Variants in MTCL1 observed in about 807,000 individuals in gnomAD.
MTCL1 encodes the protein microtubule crosslinking factor 1, also known as microtubule cross-linking factor 1.
A neutral mutation model predicts 141.4 loss-of-function variants in MTCL1; 79 were observed. The ratio of observed to expected loss-of-function variants is 0.56; its 90% CI spans 0.47 to 0.67. MTCL1 has a LOEUF of 0.67. Among genes scored for constraint, MTCL1 ranks in the 30% least tolerant of loss-of-function variants. The pLI is 0.00. For missense variants in MTCL1, 2,177 were observed against 2,113.9 expected, an observed-to-expected ratio of 1.03 and a Z score of -0.59; for synonymous variants, 914 against 875.8, an observed-to-expected ratio of 1.04 and a Z score of -0.77.
At position 8,827,287 on chromosome 18, in the gene MTCL1, C is replaced by A. The variant is rs574144801; in HGVS notation, c.4722+1055C>A. Among the ~76,000 whole-genome samples, 4 of 152,358 alleles carry A rather than the reference C, an allele frequency of 2.6e-5. No individual in the cohort carries two copies. In the South Asian group the frequency reaches 6.2e-4, roughly 24 times the overall value. On this transcript the variant is annotated intron_variant, in intron 15 of 16. Transcript: ENST00000359865. Reference sequence around the variant, plus strand: ...GAGGAGGAAGGTGTATTGCCTGTTTCACCTGGCCCACGTTTCCCACAAGAG... The same window carrying A: ...GAGGAGGAAGGTGTATTGCCTGTTTAACCTGGCCCACGTTTCCCACAAGAG...
intron 4 of MTCL1, among the ~76,000 whole-genome samples, chr18:8,731,599 A>G (rs960769922): frequency 1.3e-5 from 2 of 152,254 alleles, no homozygotes; most frequent in Non-Finnish European, 2.9e-5. Context: ...TAATTAAAAT[A>G]TAGACAGCAC....
intron 15 of MTCL1, among the ~76,000 whole-genome samples, chr18:8,826,916 A>T (rs1057220085): frequency 5.3e-5 from 8 of 152,260 alleles, no homozygotes; most frequent in Admixed American, 2.6e-4. Flanking sequence ...GCACATCCAC[A>T]TGTGGTGTTT....
chr18:8,763,515 T>C (rs2096443750), intron 4 of MTCL1, among the ~76,000 whole-genome samples: 1 of 152,252 alleles, frequency 6.6e-6, no homozygotes, highest in South Asian at 2.1e-4. Context: ...CACACTCTTA[T>C]CAGCGTCTCA....
intron 1 of MTCL1, among the ~76,000 whole-genome samples, 173 bp downstream of exon 1, chr18:8,706,886 G>A (rs1422748102): frequency 1.3e-5 from 2 of 152,242 alleles, no homozygotes; most frequent in African/African-American, 4.8e-5. Flanking sequence ...ACTTCTGGAA[G>A]GAGAAGCAAG....
chr18:8,825,830 T>C, exon 15 of MTCL1: 2 of 1,614,174 alleles, frequency 1.2e-6, no homozygotes, highest in Non-Finnish European at 1.7e-6. Flanking sequence ...CCACCATTAA[T>C]GATGGCCTCT....
At chr18:8,803,247 T>C (rs1471194365) in intron 10 of MTCL1, among the ~76,000 whole-genome samples, 1 of 152,064 alleles carries the variant, frequency 6.6e-6, no homozygotes, top group East Asian at 1.9e-4. Context: ...TTTGTTGGCT[T>C]TGGAACGCGA....
exon 6 of MTCL1, chr18:8,784,366 G>A (rs200864672): frequency 2.6e-6 from 4 of 1,534,526 alleles, no homozygotes; most frequent in South Asian, 2.6e-5. Flanking sequence ...AGAGTGACTC[G>A]GAGGAAATGT....
Position 8,778,856 on chromosome 18 carries a change from G to A in MTCL1, c.417+964G>A, listed in dbSNP as rs184257984. ...CCAGGGAAGATCTTTTCCTTAAAAG[G>A]GGAAATTCTGCCCCATTGTGAAATG... On this transcript the variant is annotated intron_variant, in intron 5 of 16. Transcript: ENST00000359865. Among the ~76,000 whole-genome samples, 11 of 152,364 alleles carry A rather than the reference G, an allele frequency of 7.2e-5. No individual in the cohort carries two copies. The East Asian group carries it at 2.1e-3, about 29-fold the overall frequency.
At chr18:8,788,606 C>T (rs35220751) in intron 7 of MTCL1, among the ~76,000 whole-genome samples, 1,953 of 152,246 alleles carry the variant, frequency 0.013, 19 homozygotes, top group Middle Eastern at 0.027. Flanking sequence ...GCAGTTGTAA[C>T]GCTAAAGAGG....
intron 4 of MTCL1, among the ~76,000 whole-genome samples, chr18:8,766,196 G>A (rs1217556596): frequency 3.9e-5 from 6 of 152,226 alleles, no homozygotes; most frequent in South Asian, 2.1e-4. Flanking sequence ...CAAGAAAGGC[G>A]TGGTTAATGA....
intron 4 of MTCL1, among the ~76,000 whole-genome samples, chr18:8,749,206 T>C (rs1323483536): frequency 1.3e-5 from 2 of 152,210 alleles, no homozygotes; most frequent in Non-Finnish European, 2.9e-5. Context: ...GGGAGAGCAA[T>C]TGGAGAATGA....
At chr18:8,737,194 TCTTCA>T (rs2096278797) in intron 4 of MTCL1, among the ~76,000 whole-genome samples, 1 of 152,228 alleles carries the variant, frequency 6.6e-6, no homozygotes, top group Non-Finnish European at 1.5e-5. Flanking sequence ...CTGGCATCAC[TCTTCA>T]CTTTCATCTT....
At chr18:8,760,517 C>CA (rs2096426695) in intron 4 of MTCL1, among the ~76,000 whole-genome samples, 1 of 152,216 alleles carries the variant, frequency 6.6e-6, no homozygotes, top group South Asian at 2.1e-4. Context: ...TGCTAGGAAG[C>CA]AAATGTTAGG....
rs181685885 is a variant in MTCL1 at position 8,722,384 on chromosome 18, C to T, written c.357+1888C>T. On this transcript the variant is annotated intron_variant, in intron 4 of 16. Coordinates refer to ENST00000359865, the Ensembl canonical transcript of MTCL1. ...GGCCAGCTTGGGCAACACAGCAAGA[C>T]CCTGTTTCTTAAAGAAAAAAAGAGA... Among the ~76,000 whole-genome samples the T allele has an allele frequency of 3.2e-3, 481 of 152,186 alleles. 5 individuals are homozygous for T. The highest frequency in any genetic ancestry group is 0.011 in the African/African-American group (455 of 41,514).
chr18:8,788,617 A>G (rs2075606817), intron 7 of MTCL1, among the ~76,000 whole-genome samples: 1 of 152,190 alleles, frequency 6.6e-6, no homozygotes, highest in Non-Finnish European at 1.5e-5. Flanking sequence ...GCTAAAGAGG[A>G]GAAAAAGAAG....
At chr18:8,800,775 A>G (rs2076092852) in intron 10 of MTCL1, 1 of 152,218 alleles carries the variant, frequency 6.6e-6, no homozygotes, top group Non-Finnish European at 1.5e-5. Context: ...TACTTCACAC[A>G]AGGTGATTAA....
chr18:8,813,384 T>C, intron 12 of MTCL1, 151 bp downstream of exon 11: 1 of 1,002,668 alleles, frequency 1.0e-6, no homozygotes, highest in Non-Finnish European at 1.4e-6. Flanking sequence ...CTAGAATTGC[T>C]TGTGTTGGAG....
chr18:8,776,088 C>T (rs2096506944), intron 4 of MTCL1, among the ~76,000 whole-genome samples: 1 of 152,198 alleles, frequency 6.6e-6, no homozygotes, highest in Non-Finnish European at 1.5e-5. Context: ...TCTTCTGATA[C>T]AGGGTGGGCA....
intron 1 of MTCL1, among the ~76,000 whole-genome samples, chr18:8,712,267 A>C (rs2096097654): frequency 6.6e-6 from 1 of 152,234 alleles, no homozygotes; most frequent in Non-Finnish European, 1.5e-5. Flanking sequence ...CTTCTTGGAG[A>C]GGAATGATTT....
Sources: allele counts gnomAD v4.1 joint callset (sites outside exome capture counted in the v4.1 genomes callset), GRCh38; gene constraint gnomAD v4.1.1; transcripts MANE v1.5; gene names NCBI Gene and HGNC (gene_info 2026-07-23, HGNC 2026-07-21).